CSMD1: variants seen among roughly 807,000 people sequenced by gnomAD.
The protein encoded by CSMD1 is CUB and Sushi multiple domains 1, also known as CUB and sushi domain-containing protein 1.
In CSMD1, 213 loss-of-function variants were observed where a neutral mutation model predicts 417.5. The ratio of observed to expected loss-of-function variants is 0.51; its 90% CI spans 0.46 to 0.57. The LOEUF is 0.57. CSMD1 is among the 20% of genes least tolerant of loss of function. CSMD1 has a pLI of 0.00. For missense variants in CSMD1, 6,923 were observed against 4,529.7 expected (o/e 1.53, Z -15.17); for synonymous variants, 2,862 against 1,736.8 (o/e 1.65, Z -16.11).
At chr8:4,704,197 C>T (rs141952188) in intron 1 of CSMD1, among the ~76,000 whole-genome samples, 26 of 152,296 alleles carry the variant, frequency 1.7e-4, no homozygotes, top group Middle Eastern at 3.4e-3. Context: ...AAATTTAATA[C>T]GCTGGTAGCA....
chr8:3,744,704 G>A (rs926167871), intron 6 of CSMD1, among the ~76,000 whole-genome samples: 1 of 152,202 alleles, frequency 6.6e-6, no homozygotes, highest in African/African-American at 2.4e-5. Context: ...ATGAAACGTT[G>A]TCTGGGCTAT....
intron 5 of CSMD1, among the ~76,000 whole-genome samples, chr8:3,933,327 T>A (rs1346815934): frequency 6.6e-6 from 1 of 152,218 alleles, no homozygotes; most frequent in Non-Finnish European, 1.5e-5. Flanking sequence ...AAGCTTTCAT[T>A]AAATTACTTG....
chr8:4,244,576 A>G (rs972656677), intron 3 of CSMD1, among the ~76,000 whole-genome samples: 6 of 152,140 alleles, frequency 3.9e-5, no homozygotes, highest in Non-Finnish European at 7.3e-5. Flanking sequence ...TACTGCGTAA[A>G]TATCAACTAT....
chr8:4,160,439 A>C (rs1172318976), intron 3 of CSMD1, among the ~76,000 whole-genome samples: 2 of 152,310 alleles, frequency 1.3e-5, no homozygotes, highest in East Asian at 3.9e-4. Flanking sequence ...CAGAATAAAG[A>C]ATATATTTCA....
chr8:4,648,669 C>T (rs545007436), intron 1 of CSMD1, among the ~76,000 whole-genome samples: 1 of 152,248 alleles, frequency 6.6e-6, no homozygotes, highest in East Asian at 1.9e-4. Context: ...AACCATGTTT[C>T]ACCTTTTACT....
chr8:3,233,184 T>G (rs1301542698), intron 26 of CSMD1, among the ~76,000 whole-genome samples: 1 of 152,136 alleles, frequency 6.6e-6, no homozygotes, highest in Non-Finnish European at 1.5e-5. Flanking sequence ...TACGTTGAAA[T>G]GTAATCAATA....
At position 4,721,175 on chromosome 8, in the gene CSMD1, T is replaced by C. The variant is rs73659194; in HGVS notation, c.86-83617A>G. On this transcript the variant is annotated intron_variant, in intron 1 of 69. Coordinates refer to ENST00000635120, the MANE Select transcript of CSMD1 (RefSeq NM_033225.6). ...GCAAAAGACTAATCAAATTAAACTA[T>C]TGCGATCCATATACTTTGTCCCTAT... is the stretch of plus-strand genomic sequence containing the variant. Among the ~76,000 whole-genome samples the C allele has an allele frequency of 7.6e-3, 1,157 of 152,278 alleles. 17 individuals carry two copies. The highest frequency in any genetic ancestry group is 0.062 in the East Asian group (324 of 5,188).
chr8:4,953,765 C>T (rs769840969), intron 1 of CSMD1, among the ~76,000 whole-genome samples: 3 of 152,156 alleles, frequency 2.0e-5, no homozygotes, highest in African/African-American at 7.2e-5. Context: ...TTCTGCAAGG[C>T]TAATTCTCTC....
intron 17 of CSMD1, among the ~76,000 whole-genome samples, chr8:3,393,035 T>C (rs922467862): frequency 1.3e-5 from 2 of 152,200 alleles, no homozygotes; most frequent in African/African-American, 4.8e-5. Context: ...CTCATTCACT[T>C]ATGTACATTT....
chr8:3,280,739 C>A (rs966569552), intron 26 of CSMD1, among the ~76,000 whole-genome samples: 4 of 151,850 alleles, frequency 2.6e-5, no homozygotes, highest in Admixed American at 2.6e-4. Context: ...ATTGTCATTT[C>A]TGTAGAAACT....
intron 4 of CSMD1, among the ~76,000 whole-genome samples, chr8:4,024,082 G>C (rs955124936): frequency 6.6e-6 from 1 of 152,090 alleles, no homozygotes; most frequent in Non-Finnish European, 1.5e-5. Context: ...AGAAAGAGTA[G>C]AAGCAAGAAT....
At chr8:3,935,819 A>C (rs1482611075) in intron 5 of CSMD1, among the ~76,000 whole-genome samples, 1 of 152,156 alleles carries the variant, frequency 6.6e-6, no homozygotes, top group Non-Finnish European at 1.5e-5. Flanking sequence ...AAGTGAAAGG[A>C]AGAGTCACAT....
intron 23 of CSMD1, among the ~76,000 whole-genome samples, chr8:3,330,003 T>G (rs1351085939): frequency 1.3e-5 from 2 of 152,174 alleles, no homozygotes; most frequent in Admixed American, 6.5e-5. Context: ...GAAGAAATGT[T>G]TGATGTTTTG....
chr8:4,246,100 T>C (rs1302811028), intron 3 of CSMD1, among the ~76,000 whole-genome samples: 3 of 152,144 alleles, frequency 2.0e-5, no homozygotes, highest in East Asian at 1.9e-4. Flanking sequence ...TCATGGGAGT[T>C]TGTTGTACAG....
In CSMD1 at chr8:4,920,926, G is replaced by GA. The variant is rs202062300; in HGVS notation, c.85+73405dup. ...GAAAAGAAAAGAAAAGAAAAGAAAAGAAAGAGAGAAAGAAAGAAAGAAAGA... is the reference window on the plus strand; with the variant it reads ...GAAAAGAAAAGAAAAGAAAAGAAAAGAAAAGAGAGAAAGAAAGAAAGAAAGA... On this transcript the variant is annotated intron_variant, in intron 1 of 69. Transcript: ENST00000635120. Among the ~76,000 whole-genome samples, 19 of 22,354 alleles carry GA rather than the reference G, an allele frequency of 8.5e-4. 2 individuals are homozygous for GA. The highest frequency in any genetic ancestry group is 4.6e-3 in the South Asian group (2 of 438). The allele number at this position is 22,354 out of a possible 152,430, so 14.7% of individuals were successfully genotyped here. A position where few individuals can be genotyped will look rare whatever the true frequency, so the allele number is the denominator to read the frequency against.
At chr8:4,204,069 C>G (rs1030979822) in intron 3 of CSMD1, among the ~76,000 whole-genome samples, 1 of 152,102 alleles carries the variant, frequency 6.6e-6, no homozygotes, top group Admixed American at 6.5e-5. Context: ...CCACTGTACT[C>G]CAGCCTGGGT....
intron 10 of CSMD1, among the ~76,000 whole-genome samples, chr8:3,500,878 C>A (rs1276003141): frequency 6.6e-6 from 1 of 152,114 alleles, no homozygotes; most frequent in African/African-American, 2.4e-5. Context: ...TCTTAACTAA[C>A]ATGGATGAAG....
At chr8:3,941,175 G>A (rs371485978) in intron 5 of CSMD1, among the ~76,000 whole-genome samples, 5 of 151,966 alleles carry the variant, frequency 3.3e-5, no homozygotes, top group Non-Finnish European at 7.4e-5. Flanking sequence ...AAAATATTCA[G>A]AATATTCAGT....
At chr8:3,179,155 C>T (rs576975121) in intron 37 of CSMD1, among the ~76,000 whole-genome samples, 5 of 151,416 alleles carry the variant, frequency 3.3e-5, no homozygotes, top group Non-Finnish European at 7.4e-5. Flanking sequence ...ACGTGTTAGC[C>T]AGGACTGTCT....
Sources: gnomAD v4.1 joint callset for allele counts (sites outside exome capture counted in the v4.1 genomes callset) on GRCh38, gnomAD v4.1.1 for gene constraint, MANE v1.5 for transcripts, NCBI Gene and HGNC (gene_info 2026-07-23, HGNC 2026-07-21) for gene names.